The following XKR6 variants were observed in gnomAD, a reference collection of about 807,000 sequenced individuals.
XKR6 encodes XK-related protein 6.
XKR6 carries 22 observed loss-of-function variants against 56.7 expected under a neutral mutation model. The observed-to-expected ratio is 0.39, with a 90% CI of 0.28 to 0.55. The LOEUF (loss-of-function observed/expected upper bound fraction) is 0.55. Among genes scored for constraint, XKR6 ranks in the 20% least tolerant of loss-of-function variants. The pLI, the probability that XKR6 is intolerant of heterozygous loss-of-function variation, is 0.66. For missense variants in XKR6, 852 were observed against 889.0 expected (o/e 0.96, Z 0.53); for synonymous variants, 524 against 387.8 (o/e 1.35, Z -4.13).
Position 11,052,235 on chromosome 8 carries a change from C to A in XKR6, c.765-127405G>T, listed in dbSNP as rs1799568196. On this transcript the variant is annotated intron_variant, in intron 1 of 2. Transcript: ENST00000416569. ...CTTGGATCTGATGTGCTCCTTCCCA[C>A]CACCGAGGTATCTGCTCAAGGATAG... 2.0e-5 allele frequency among the ~76,000 whole-genome samples: 3 copies of A among 152,286 alleles called. No homozygotes were observed. The South Asian group carries it at 6.2e-4, about 32-fold the overall frequency.
At chr8:11,136,113 G>A (rs534968098) in intron 1 of XKR6, among the ~76,000 whole-genome samples, 42 of 152,128 alleles carry the variant, frequency 2.8e-4, no homozygotes, top group Admixed American at 2.5e-3. Flanking sequence ...TCCCACCACC[G>A]GAAGTATCTG....
chr8:11,039,187 G>T (rs10104571), intron 1 of XKR6, among the ~76,000 whole-genome samples: 3 of 152,160 alleles, frequency 2.0e-5, no homozygotes, highest in Admixed American at 1.3e-4. Flanking sequence ...AATGCAAAGC[G>T]AAGGGGAGGC....
At chr8:11,048,761 T>G (rs768713796) in intron 1 of XKR6, among the ~76,000 whole-genome samples, 11 of 152,204 alleles carry the variant, frequency 7.2e-5, no homozygotes, top group Admixed American at 5.2e-4. Context: ...GCCCCAGACC[T>G]CCCGGTGGCT....
At chr8:10,962,628 GT>G (rs796689991) in intron 1 of XKR6, among the ~76,000 whole-genome samples, 1 of 150,522 alleles carries the variant, frequency 6.6e-6, no homozygotes, top group Non-Finnish European at 1.5e-5. Context: ...TTTTTGTTTT[GT>G]TTTTTTTTGT....
At chr8:11,063,275 G>C (rs982590405) in intron 1 of XKR6, among the ~76,000 whole-genome samples, 5 of 147,632 alleles carry the variant, frequency 3.4e-5, no homozygotes, top group African/African-American at 1.3e-4. Flanking sequence ...AACTAATAAA[G>C]AAAAACAAAT....
chr8:10,986,585 A>G (rs1479711382), intron 1 of XKR6, among the ~76,000 whole-genome samples: 1 of 152,150 alleles, frequency 6.6e-6, no homozygotes, highest in Non-Finnish European at 1.5e-5. Flanking sequence ...AGCAAGAAAA[A>G]AGTGTGTGGG....
chr8:11,052,526 G>A (rs893910898), intron 1 of XKR6, among the ~76,000 whole-genome samples: 2 of 152,206 alleles, frequency 1.3e-5, no homozygotes, highest in African/African-American at 4.8e-5. Context: ...TTGAATGGGT[G>A]AGTTGGTGAA....
chr8:11,040,334 C>T (rs1008000534), intron 1 of XKR6, among the ~76,000 whole-genome samples: 2 of 136,562 alleles, frequency 1.5e-5, no homozygotes, highest in African/African-American at 5.7e-5. Flanking sequence ...CCAGCCGGGG[C>T]AACATAAGCA....
At chr8:11,188,587 T>C (rs1313899964) in intron 1 of XKR6, among the ~76,000 whole-genome samples, 5 of 152,228 alleles carry the variant, frequency 3.3e-5, no homozygotes, top group Non-Finnish European at 5.9e-5. Context: ...GAAGACATCA[T>C]CTTTTCCTTC....
At chr8:10,962,053 T>C (rs1802079917) in intron 1 of XKR6, among the ~76,000 whole-genome samples, 2 of 152,222 alleles carry the variant, frequency 1.3e-5, no homozygotes, top group South Asian at 4.1e-4. Flanking sequence ...GATCTTACTG[T>C]GCATTATTCT....
Position 10,955,109 on chromosome 8 carries a change from T to A in XKR6, c.765-30279A>T, listed in dbSNP as rs150700332. 9.7e-3 allele frequency among the ~76,000 whole-genome samples: 1,471 copies of A among 152,222 alleles called. 60 individuals are homozygous for A. In the East Asian group the frequency reaches 0.12, roughly 13 times the overall value. On this transcript the variant is annotated intron_variant, in intron 1 of 2. Coordinates refer to ENST00000416569, the MANE Select transcript of XKR6 (RefSeq NM_173683.4). ...GTCTTGAACTCCTGACCTCAAGTGATCCGTCAGCCTTGGCCTCCCAAAGTG... is the reference window on the plus strand; with the variant it reads ...GTCTTGAACTCCTGACCTCAAGTGAACCGTCAGCCTTGGCCTCCCAAAGTG...
chr8:10,973,210 A>C (rs1162770377), intron 1 of XKR6, among the ~76,000 whole-genome samples: 1 of 152,182 alleles, frequency 6.6e-6, no homozygotes, highest in Non-Finnish European at 1.5e-5. Flanking sequence ...ATGAGCTGAG[A>C]ATTTAAAATA....
chr8:11,201,357 C>T lies in XKR6; in HGVS notation c.-18G>A. ...GCCGCCATCTTGACTCTCTTCCCAG[C>T]TCCGGAGGTTGGGGGGGAGGGACGG... is the stretch of plus-strand genomic sequence containing the variant. On this transcript the variant is annotated 5_prime_UTR_variant, in exon 1 of 3. Coordinates refer to ENST00000416569, the MANE Select transcript of XKR6 (RefSeq NM_173683.4). 1 of 1,277,692 alleles carries T rather than the reference C, an allele frequency of 7.8e-7. No homozygotes were observed. Among genetic ancestry groups the T allele is most frequent in the Non-Finnish European group, 1.0e-6 (1 of 988,762 alleles). 79.1% of individuals were successfully genotyped at this position (1,277,692 alleles called of 1,614,324 possible).
intron 1 of XKR6, among the ~76,000 whole-genome samples, chr8:10,991,796 A>G (rs969587122): frequency 6.6e-6 from 1 of 152,178 alleles, no homozygotes; most frequent in African/African-American, 2.4e-5. Flanking sequence ...TTCTGTGTAA[A>G]ACAGCATTTT....
intron 1 of XKR6, among the ~76,000 whole-genome samples, chr8:11,001,255 C>A (rs899434883): frequency 1.3e-5 from 2 of 151,894 alleles, no homozygotes; most frequent in Non-Finnish European, 2.9e-5. Flanking sequence ...TAAAAACTAA[C>A]TTGTTTAGGG....
At chr8:11,034,818 G>A (rs2129153446) in intron 1 of XKR6, among the ~76,000 whole-genome samples, 1 of 152,320 alleles carries the variant, frequency 6.6e-6, no homozygotes, top group East Asian at 1.9e-4. Flanking sequence ...TCTGCTCTGT[G>A]CTCTGTCCCC....
At chr8:10,908,483 C>T (rs1462736939) in intron 2 of XKR6, among the ~76,000 whole-genome samples, 2 of 152,166 alleles carry the variant, frequency 1.3e-5, no homozygotes, top group East Asian at 3.9e-4. Context: ...TCTGTCAAGT[C>T]CCCTTTGCCC....
chr8:11,107,504 T>C (rs1798723296), intron 1 of XKR6, among the ~76,000 whole-genome samples: 9 of 152,186 alleles, frequency 5.9e-5, no homozygotes. Flanking sequence ...TTTTGACTCC[T>C]TTGTGCTCGA....
chr8:11,166,108 C>G (rs929768200), intron 1 of XKR6, among the ~76,000 whole-genome samples: 1 of 151,910 alleles, frequency 6.6e-6, no homozygotes, highest in African/African-American at 2.4e-5. Flanking sequence ...AGGCGCATGC[C>G]ACCATGCCCA....
Sources: allele counts gnomAD v4.1 joint callset (sites outside exome capture counted in the v4.1 genomes callset), GRCh38; gene constraint gnomAD v4.1.1; transcripts MANE v1.5; gene names NCBI Gene and HGNC (gene_info 2026-07-23, HGNC 2026-07-21).